Variants in ABHD5 observed in about 807,000 individuals in gnomAD.
ABHD5 encodes the protein 1-acylglycerol-3-phosphate O-acyltransferase ABHD5.
Under a neutral mutation model 44.9 loss-of-function variants are expected in ABHD5, and 30 were observed. The observed-to-expected ratio is 0.67, with a 90% CI of 0.50 to 0.91. The LOEUF (loss-of-function observed/expected upper bound fraction) is 0.91. Ranked by LOEUF, ABHD5 falls within the 40% of genes least tolerant of loss-of-function variation. The probability of loss-of-function intolerance (pLI) is 0.00; values close to 1 mark genes in which losing one functional copy is unlikely to be tolerated. For synonymous variants in ABHD5, 167 were observed against 147.0 expected (o/e 1.14, Z -0.99); for missense variants, 399 against 423.4 (o/e 0.94, Z 0.50).
At chr3:43,704,935 C>T (rs768131035) in intron 3 of ABHD5, among the ~76,000 whole-genome samples, 5 of 152,122 alleles carry the variant, frequency 3.3e-5, no homozygotes, top group Non-Finnish European at 5.9e-5. Context: ...AAATTTTGAA[C>T]TGTACAGAGT....
rs2084822973 is a variant in ABHD5, at chr3:43,720,576, C to CA, written c.*2045dup. On this transcript the variant is annotated 3_prime_UTR_variant, in exon 7 of 7. Coordinates refer to ENST00000644371, the MANE Select transcript of ABHD5 (RefSeq NM_016006.6). ...AGCTGGAAGGGAAGTTCACAATCCT[C>CA]ACATTTAAAAAAATATAGTGGGTGC... The CA allele has an allele frequency of 6.6e-6, 1 of 152,144 alleles. No homozygotes were observed. The highest frequency in any genetic ancestry group is 2.4e-5 in the African/African-American group (1 of 41,448). The allele number at this position is 152,144 out of a possible 1,614,324, so 9.4% of individuals were successfully genotyped here.
intron 7 of ABHD5, among the ~76,000 whole-genome samples, chr3:43,731,352 C>A (rs2084911673): frequency 6.6e-6 from 1 of 152,166 alleles, no homozygotes; most frequent in Non-Finnish European, 1.5e-5. Context: ...TGGGAACTAT[C>A]TCCAAAGTGC....
intron 3 of ABHD5, chr3:43,707,548 T>C (rs1254830932): frequency 6.6e-6 from 1 of 152,222 alleles, no homozygotes; most frequent in Admixed American, 6.5e-5. Context: ...AAATGCCTCC[T>C]TTGTGCATTG....
downstream of ABHD5, among the ~76,000 whole-genome samples, chr3:43,723,325 G>T (rs1220218111): frequency 1.3e-5 from 2 of 152,176 alleles, no homozygotes; most frequent in Admixed American, 6.5e-5. Context: ...ATAAGGGAAA[G>T]TTCTTCATGT....
rs781461249 is a variant in ABHD5, at chr3:43,702,569, C to T, written c.488C>T (p.Ser163Leu). ...GGTGGATTCTTGGCTGCTGCTTACT[C>T]GCTGAAGTACCCATCAAGGTAAGTG... ...NLGGFLAAAY[S>L]LKYPSRVNHL... is the part of the protein sequence containing the mutation. The change falls in exon 3 of 7, where the codon TCG becomes TTG. Residue 163 changes from serine (S) to leucine (L), a missense_variant. Coordinates refer to ENST00000644371, the MANE Select transcript of ABHD5 (RefSeq NM_016006.6). 4.3e-6 allele frequency: 7 copies of T among 1,614,188 alleles called. No individual in the cohort carries two copies. Among genetic ancestry groups the T allele is most frequent in the Admixed American group, 1.7e-5 (1 of 60,028 alleles).
At position 43,719,945 on chromosome 3, in the gene ABHD5, ATGTAAGGT is replaced by A. The variant is rs1335342830; in HGVS notation, c.*1417_*1424del. 6.6e-6 allele frequency: 1 copy of A among 152,222 alleles called. No homozygotes were observed. Among genetic ancestry groups the A allele is most frequent in the Non-Finnish European group, 1.5e-5 (1 of 68,036 alleles). 9.4% of individuals were successfully genotyped at this position (152,222 alleles called of 1,614,324 possible). On this transcript the variant is annotated 3_prime_UTR_variant, in exon 7 of 7. Transcript: ENST00000644371. ...TTAGGGAATTTGTAGTTGTTAGGAA[ATGTAAGGT>A]TGTGTCACTGTTGATTAACTGCCAG... is the stretch of plus-strand genomic sequence containing the variant.
At chr3:43,734,147 C>A (rs1156857790) in exon 8 of ABHD5, 2 of 152,308 alleles carry the variant, frequency 1.3e-5, no homozygotes, top group African/African-American at 4.8e-5. Flanking sequence ...GAAGATGTCC[C>A]CTAGTGGCTT....
At chr3:43,708,906 A>T (rs1006019614) in intron 3 of ABHD5, among the ~76,000 whole-genome samples, 2 of 152,196 alleles carry the variant, frequency 1.3e-5, no homozygotes, top group African/African-American at 4.8e-5. Context: ...CCGGTATTCA[A>T]TGCTTATGAT....
chr3:43,721,451 A>T lies in ABHD5; in HGVS notation c.*2919A>T, dbSNP rs1056331745. ...AGTCTATAGAAGAATTTTCAGCCAG[A>T]TGGAATGGCTCATGGCTGTAATCCC... On this transcript the variant is annotated 3_prime_UTR_variant, in exon 7 of 7. Transcript: ENST00000644371. The T allele has an allele frequency of 1.3e-5, 2 of 151,708 alleles. No homozygotes were observed. Among genetic ancestry groups the T allele is most frequent in the African/African-American group, 4.8e-5 (2 of 41,334 alleles). 9.4% of individuals were successfully genotyped at this position (151,708 alleles called of 1,614,324 possible).
At chr3:43,713,278 G>A (rs188851857) in intron 4 of ABHD5, among the ~76,000 whole-genome samples, 2 of 138,550 alleles carry the variant, frequency 1.4e-5, no homozygotes, top group East Asian at 2.1e-4. Context: ...AGCCAAGATC[G>A]CACCACTATT....
chr3:43,698,719 C>T (rs1247026774), intron 1 of ABHD5, among the ~76,000 whole-genome samples: 3 of 152,208 alleles, frequency 2.0e-5, no homozygotes, highest in African/African-American at 4.8e-5. Context: ...AACCAGTTCA[C>T]CCTAAGGAGA....
At chr3:43,697,612 T>A (rs562421234) in intron 1 of ABHD5, among the ~76,000 whole-genome samples, 10 of 152,276 alleles carry the variant, frequency 6.6e-5, no homozygotes, top group African/African-American at 2.4e-4. Context: ...GACTGGGTAA[T>A]TTATAAGAGC....
At chr3:43,702,031 A>G in intron 2 of ABHD5, 184 bp from the exon 3 acceptor site, 1 of 599,296 alleles carries the variant, frequency 1.7e-6, no homozygotes, top group East Asian at 2.9e-5. Context: ...CTTTAGGTGT[A>G]AAACATGGTC....
At chr3:43,708,252 T>C (rs1479836944) in intron 3 of ABHD5, among the ~76,000 whole-genome samples, 1 of 152,244 alleles carries the variant, frequency 6.6e-6, no homozygotes, top group African/African-American at 2.4e-5. Context: ...GGATGTCTAA[T>C]AGGATGACTC....
At chr3:43,733,526 G>A (rs1186503989) in intron 7 of ABHD5, among the ~76,000 whole-genome samples, 2 of 152,206 alleles carry the variant, frequency 1.3e-5, no homozygotes, top group Non-Finnish European at 2.9e-5. Flanking sequence ...AAAATGTTAT[G>A]CCATGAAAGA....
rs781163659 is a variant in ABHD5, at chr3:43,719,541, T to A, written c.*1009T>A. 7 of 152,220 alleles carry A rather than the reference T, an allele frequency of 4.6e-5. No individual in the cohort carries two copies. Among genetic ancestry groups the A allele is most frequent in the Non-Finnish European group, 8.8e-5 (6 of 68,024 alleles). The allele number at this position is 152,220 out of a possible 1,614,324, so 9.4% of individuals were successfully genotyped here. On this transcript the variant is annotated 3_prime_UTR_variant, in exon 7 of 7. Coordinates refer to ENST00000644371, the MANE Select transcript of ABHD5 (RefSeq NM_016006.6). Reference sequence around the variant, plus strand: ...ATGTCTCATGGCACCAGAAATGAGCTAGCACTTGGGTTTGTTGTTGCTGTT... The same window carrying A: ...ATGTCTCATGGCACCAGAAATGAGCAAGCACTTGGGTTTGTTGTTGCTGTT...
intron 2 of ABHD5, among the ~76,000 whole-genome samples, chr3:43,700,024 A>G (rs1428140108): frequency 6.6e-6 from 1 of 152,210 alleles, no homozygotes; most frequent in Non-Finnish European, 1.5e-5. Flanking sequence ...AACAGATTCT[A>G]GGTGTTTCAG....
At position 43,702,466 on chromosome 3, in the gene ABHD5, A is replaced by G; in HGVS notation, c.385A>G (p.Asn129Asp). The G allele has an allele frequency of 6.2e-7, 1 of 1,614,208 alleles. No individual in the cohort carries two copies. The highest frequency in any genetic ancestry group is 8.5e-7 in the Non-Finnish European group (1 of 1,180,042). ...TGACAGTGATGCAGAAGAAGTGGAG[A>G]ATCAGTTTGTGGAATCCATTGAAGA... ...RFDSDAEEVENQFVESIEEWR... is the reference protein window; with the variant it reads ...RFDSDAEEVEDQFVESIEEWR... The change falls in exon 3 of 7, where the codon AAT becomes GAT. Residue 129 changes from asparagine (N) to aspartate (D), a missense_variant. Asn to Asp is a conservative substitution (Grantham distance 23, BLOSUM62 1). Coordinates refer to ENST00000644371, the MANE Select transcript of ABHD5 (RefSeq NM_016006.6).
chr3:43,714,674 T>G (rs902956026), intron 4 of ABHD5, among the ~76,000 whole-genome samples: 2 of 152,322 alleles, frequency 1.3e-5, no homozygotes, highest in African/African-American at 2.4e-5. Flanking sequence ...CAAAAGTGCC[T>G]TCTAACTTAC....
Sources: gnomAD v4.1 joint callset for allele counts (sites outside exome capture counted in the v4.1 genomes callset) on GRCh38, gnomAD v4.1.1 for gene constraint, MANE v1.5 for transcripts, NCBI Gene and HGNC (gene_info 2026-07-23, HGNC 2026-07-21) for gene names.